Variants in MARK3 observed in about 807,000 individuals in gnomAD.
The protein encoded by MARK3 is MAP/microtubule affinity-regulating kinase 3.
In MARK3, 46 loss-of-function variants were observed where a neutral mutation model predicts 90.1. The observed-to-expected ratio is 0.51, with a 90% CI of 0.40 to 0.65. MARK3 has a LOEUF of 0.65. Ranked by LOEUF, MARK3 falls within the 30% of genes least tolerant of loss-of-function variation. The probability of loss-of-function intolerance (pLI) is 0.00; values close to 1 mark genes in which losing one functional copy is unlikely to be tolerated. For missense variants in MARK3, 818 were observed against 947.2 expected (o/e 0.86, Z 1.79); for synonymous variants, 321 against 332.6 (o/e 0.97, Z 0.38).
At chr14:103,427,479 A>G (rs2092443907) in intron 2 of MARK3, among the ~76,000 whole-genome samples, 1 of 135,480 alleles carries the variant, frequency 7.4e-6, no homozygotes, top group Non-Finnish European at 1.6e-5. Context: ...CAGCCTAGGC[A>G]ACAGAGGGAG....
intron 1 of MARK3, among the ~76,000 whole-genome samples, chr14:103,396,767 T>A (rs1420795906): frequency 6.6e-6 from 1 of 152,038 alleles, no homozygotes; most frequent in African/African-American, 2.4e-5. Context: ...GAGGACTCCA[T>A]CCCTTCACAT....
At chr14:103,466,747 G>C (rs139238706) in intron 10 of MARK3, among the ~76,000 whole-genome samples, 268 of 152,252 alleles carry the variant, frequency 1.8e-3, no homozygotes, top group African/African-American at 6.0e-3. Flanking sequence ...GCTCACGCCT[G>C]TAATCCCAGC....
chr14:103,408,911 T>C (rs976447013), intron 2 of MARK3, among the ~76,000 whole-genome samples: 5 of 152,176 alleles, frequency 3.3e-5, no homozygotes, highest in African/African-American at 9.7e-5. Flanking sequence ...TGGGCGGAGC[T>C]GTCCTTGTTG....
At chr14:103,395,331 T>G (rs900831236) in intron 1 of MARK3, among the ~76,000 whole-genome samples, 1 of 141,686 alleles carries the variant, frequency 7.1e-6, no homozygotes, top group Non-Finnish European at 1.5e-5. Context: ...TGCCTCATGG[T>G]TTTTTTTTTT....
At chr14:103,478,120 C>T (rs1180797820) in intron 13 of MARK3, among the ~76,000 whole-genome samples, 1 of 151,780 alleles carries the variant, frequency 6.6e-6, no homozygotes, top group Non-Finnish European at 1.5e-5. Context: ...CATGGTGAAA[C>T]CCCATCTCTA....
chr14:103,415,518 G>A (rs551227114), intron 2 of MARK3, among the ~76,000 whole-genome samples: 4 of 152,168 alleles, frequency 2.6e-5, no homozygotes, highest in African/African-American at 9.6e-5. Flanking sequence ...TATGAATCTG[G>A]GGATGTTAGT....
intron 2 of MARK3, among the ~76,000 whole-genome samples, chr14:103,424,837 A>G (rs1274426283): frequency 6.6e-6 from 1 of 152,252 alleles, no homozygotes; most frequent in Non-Finnish European, 1.5e-5. Flanking sequence ...TTTGATTTAT[A>G]TAATTTTTAA....
At chr14:103,469,382 A>C (rs1200246056) in intron 12 of MARK3, 2 of 152,084 alleles carry the variant, frequency 1.3e-5, no homozygotes, top group Non-Finnish European at 2.9e-5. Flanking sequence ...GGGTTTCACC[A>C]TATTGGCTAG....
chr14:103,498,824 T>C (rs973746528), intron 16 of MARK3: 26 of 191,450 alleles, frequency 1.4e-4, no homozygotes, highest in African/African-American at 5.6e-4. Context: ...TAATAACACT[T>C]AGCATGCTCC....
intron 17 of MARK3, among the ~76,000 whole-genome samples, 162 bp downstream of exon 17, chr14:103,500,362 C>T (rs543825110): frequency 3.3e-5 from 5 of 152,196 alleles, no homozygotes; most frequent in Non-Finnish European, 5.9e-5. Flanking sequence ...CCATGAGCAC[C>T]GTCCAGATCC....
At chr14:103,470,059 CAAAA>C (rs77013768) in intron 12 of MARK3, among the ~76,000 whole-genome samples, 2 of 111,302 alleles carry the variant, frequency 1.8e-5, no homozygotes, top group African/African-American at 7.9e-5. Flanking sequence ...GAGTCCATCT[CAAAA>C]AAAAAAAAAA....
intron 14 of MARK3, 25 bp downstream of exon 14, chr14:103,480,515 GA>G: frequency 6.8e-7 from 1 of 1,468,214 alleles, no homozygotes; most frequent in East Asian, 2.3e-5. Flanking sequence ...CTGTTTGTAA[GA>G]AAAGTTGTTT....
intron 5 of MARK3, among the ~76,000 whole-genome samples, chr14:103,452,471 C>CCTTTTTTTTTTTTTTTTTTT (rs2093170016): frequency 1.0e-5 from 1 of 97,472 alleles, no homozygotes; most frequent in Non-Finnish European, 2.2e-5. Flanking sequence ...CAGGATTTGT[C>CCTTTTTTTTTTTTTTTTTTT]TTTTTTTTTT....
chr14:103,431,905 C>CA (rs998464804), intron 3 of MARK3, among the ~76,000 whole-genome samples: 28 of 152,270 alleles, frequency 1.8e-4, no homozygotes, highest in African/African-American at 6.5e-4. Flanking sequence ...TAAATCCCCT[C>CA]AGCCTCCTTG....
chr14:103,421,736 C>T (rs1051101051), intron 2 of MARK3, among the ~76,000 whole-genome samples: 7 of 152,156 alleles, frequency 4.6e-5, no homozygotes, highest in Non-Finnish European at 8.8e-5. Flanking sequence ...TTTGAAGTCA[C>T]TTGTCTTCTG....
intron 2 of MARK3, among the ~76,000 whole-genome samples, chr14:103,416,625 A>T (rs2091954606): frequency 6.6e-6 from 1 of 152,166 alleles, no homozygotes; most frequent in Admixed American, 6.5e-5. Flanking sequence ...ACAAAAAATT[A>T]TCTGGGCATG....
chr14:103,400,232 C>G (rs1168852665), intron 1 of MARK3, among the ~76,000 whole-genome samples: 1 of 152,058 alleles, frequency 6.6e-6, no homozygotes, highest in Admixed American at 6.6e-5. Context: ...CCCGGCCTCC[C>G]CTTTTATGAT....
At chr14:103,412,319 G>A (rs865979177) in intron 2 of MARK3, 31 of 625,474 alleles carry the variant, frequency 5.0e-5, no homozygotes, top group Middle Eastern at 8.8e-4. Context: ...TGTGGACTTC[G>A]CCTCATCCAC....
intron 16 of MARK3, chr14:103,499,608 G>T (rs538126219): frequency 9.8e-5 from 15 of 152,576 alleles, no homozygotes; most frequent in African/African-American, 3.4e-4. Flanking sequence ...GGTCAAAACT[G>T]CGGGAAAAGC....
Sources: allele counts gnomAD v4.1 joint callset (sites outside exome capture counted in the v4.1 genomes callset), GRCh38; gene constraint gnomAD v4.1.1; transcripts MANE v1.5; gene names NCBI Gene and HGNC (gene_info 2026-07-23, HGNC 2026-07-21).